DLC1: variants seen among roughly 807,000 people sequenced by gnomAD.
DLC1 encodes the protein DLC1 Rho GTPase activating protein.
In DLC1, 54 loss-of-function variants were observed where a neutral mutation model predicts 140.3. That is an observed-to-expected ratio of 0.38 (90% CI 0.31 to 0.48). The LOEUF is 0.48. Among genes scored for constraint, DLC1 ranks in the 20% least tolerant of loss-of-function variants. The pLI is 0.96. For missense variants in DLC1, 2,536 were observed against 1,907.0 expected, an observed-to-expected ratio of 1.33 and a Z score of -6.14; for synonymous variants, 986 against 728.1, an observed-to-expected ratio of 1.35 and a Z score of -5.70.
At chr8:13,256,212 A>C (rs1188771020) in intron 5 of DLC1, among the ~76,000 whole-genome samples, 1 of 152,208 alleles carries the variant, frequency 6.6e-6, no homozygotes, top group Non-Finnish European at 1.5e-5. Context: ...AAGTTATTAA[A>C]TGTACAGTAG....
At chr8:13,530,199 A>G (rs895632966) in intron 1 of DLC1, among the ~76,000 whole-genome samples, 1 of 152,176 alleles carries the variant, frequency 6.6e-6, no homozygotes, top group Non-Finnish European at 1.5e-5. Context: ...TGACCAGTGT[A>G]TTACTTTTCT....
chr8:13,172,104 A>G (rs574654542), intron 5 of DLC1, among the ~76,000 whole-genome samples: 1 of 152,350 alleles, frequency 6.6e-6, no homozygotes, highest in East Asian at 1.9e-4. Context: ...TCTTACGATA[A>G]CAAAACATTT....
chr8:13,115,030 T>C (rs1820434977), intron 6 of DLC1, among the ~76,000 whole-genome samples: 1 of 152,130 alleles, frequency 6.6e-6, no homozygotes, highest in South Asian at 2.1e-4. Flanking sequence ...TGCAAGAATG[T>C]TCACAACAGC....
chr8:13,172,605 C>A (rs1394977611), intron 5 of DLC1, among the ~76,000 whole-genome samples: 1 of 152,240 alleles, frequency 6.6e-6, no homozygotes, highest in Non-Finnish European at 1.5e-5. Flanking sequence ...CGTCAACTCA[C>A]ACAGTAAGTG....
At chr8:13,274,588 C>G (rs183271699) in intron 5 of DLC1, among the ~76,000 whole-genome samples, 1 of 152,266 alleles carries the variant, frequency 6.6e-6, no homozygotes, top group African/African-American at 2.4e-5. Flanking sequence ...TGACTCCAAA[C>G]ATAGTATTAA....
rs1563454113 is a variant in DLC1, at chr8:13,579,361, ATTTTT to A, written c.-126+25171_-126+25175del. On this transcript the variant is annotated intron_variant, in intron 1 of 1. Coordinates refer to the DLC1 transcript ENST00000631382. Reference sequence around the variant, plus strand: ...TATATATATATATATATATATATATATTTTTATATAATACATATTTATATATTATA... The same window carrying A: ...TATATATATATATATATATATATATAATATAATACATATTTATATATTATA... 3.8e-3 allele frequency among the ~76,000 whole-genome samples: 97 copies of A among 25,462 alleles called. 17 individuals are homozygous for A. Among genetic ancestry groups the A allele is most frequent in the African/African-American group, 0.01 (46 of 4,568 alleles). 16.7% of individuals were successfully genotyped at this position (25,462 alleles called of 152,430 possible).
intron 1 of DLC1, among the ~76,000 whole-genome samples, chr8:13,551,382 T>A (rs766746467): frequency 6.6e-6 from 1 of 152,096 alleles, no homozygotes; most frequent in Admixed American, 6.6e-5. Flanking sequence ...TTCTAGATTT[T>A]GAATTTTTAT....
At chr8:13,159,614 C>A (rs1824526883) in intron 5 of DLC1, among the ~76,000 whole-genome samples, 1 of 152,214 alleles carries the variant, frequency 6.6e-6, no homozygotes, top group South Asian at 2.1e-4. Context: ...CTCCCCATAC[C>A]CCATCATCTC....
chr8:13,145,909 T>A (rs1404940986), intron 5 of DLC1, among the ~76,000 whole-genome samples: 2 of 152,134 alleles, frequency 1.3e-5, no homozygotes, highest in African/African-American at 4.8e-5. Context: ...GAAAGAATAT[T>A]CTAGTTCTTC....
chr8:13,258,587 T>A (rs541818386), intron 5 of DLC1, among the ~76,000 whole-genome samples: 1 of 152,328 alleles, frequency 6.6e-6, no homozygotes, highest in East Asian at 1.9e-4. Context: ...TTTAACCAGT[T>A]ACCTATTATT....
intron 5 of DLC1, among the ~76,000 whole-genome samples, chr8:13,217,822 A>G (rs948624976): frequency 9.2e-5 from 14 of 151,654 alleles, no homozygotes; most frequent in Non-Finnish European, 1.8e-4. Context: ...TGAGTGACAG[A>G]GTGAGACTCC....
chr8:13,572,094 TA>T (rs1449080762), intron 1 of DLC1, among the ~76,000 whole-genome samples: 40 of 45,892 alleles, frequency 8.7e-4, no homozygotes, highest in East Asian at 3.6e-3. Flanking sequence ...TATTATTATT[TA>T]TTTTTTTTTT....
chr8:13,423,737 C>A (rs1466470380), intron 2 of DLC1, among the ~76,000 whole-genome samples: 1 of 152,024 alleles, frequency 6.6e-6, no homozygotes, highest in African/African-American at 2.4e-5. Context: ...ACTAAAAGGG[C>A]AAATACATGA....
chr8:13,484,651 T>C (rs1800882781), intron 2 of DLC1, among the ~76,000 whole-genome samples: 1 of 152,114 alleles, frequency 6.6e-6, no homozygotes, highest in Non-Finnish European at 1.5e-5. Context: ...TTTCATAGTT[T>C]CACAACATCC....
chr8:13,334,972 G>A lies in DLC1; in HGVS notation c.1315-29670C>T, dbSNP rs369776959. On this transcript the variant is annotated intron_variant, in intron 4 of 17. Transcript: ENST00000276297. ...TGTTAAGGCTGTAATAAATGGCAGA[G>A]TCTGAATTAGCCCACAGAAAATCTG... Among the ~76,000 whole-genome samples the A allele has an allele frequency of 1.1e-3, 171 of 152,306 alleles. 1 individual carries two copies. The highest frequency in any genetic ancestry group is 3.4e-3 in the Middle Eastern group (1 of 294).
chr8:13,475,685 T>C (rs1800403935), intron 2 of DLC1, among the ~76,000 whole-genome samples: 1 of 152,166 alleles, frequency 6.6e-6, no homozygotes, highest in South Asian at 2.1e-4. Context: ...CTGGGGAAAA[T>C]ACAAACCCTG....
intron 1 of DLC1, among the ~76,000 whole-genome samples, chr8:13,531,085 G>T (rs1803081147): frequency 6.6e-6 from 1 of 152,126 alleles, no homozygotes; most frequent in African/African-American, 2.4e-5. Context: ...GCCAGGTGAA[G>T]ACATGGGAAG....
intron 1 of DLC1, among the ~76,000 whole-genome samples, chr8:13,513,819 T>G (rs1304276110): frequency 6.6e-6 from 1 of 152,178 alleles, no homozygotes; most frequent in Non-Finnish European, 1.5e-5. Context: ...TCCATATGAC[T>G]GGAGTGATTT....
At chr8:13,426,049 G>A (rs928697272) in intron 2 of DLC1, among the ~76,000 whole-genome samples, 7 of 152,118 alleles carry the variant, frequency 4.6e-5, no homozygotes, top group Non-Finnish European at 1.0e-4. Context: ...CTAGGTTCAG[G>A]CAATCCTCCT....
Sources: allele counts gnomAD v4.1 joint callset (sites outside exome capture counted in the v4.1 genomes callset), GRCh38; gene constraint gnomAD v4.1.1; transcripts MANE v1.5; gene names NCBI Gene and HGNC (gene_info 2026-07-23, HGNC 2026-07-21).